Variants in ACER3 observed in about 807,000 individuals in gnomAD.
ACER3 encodes the protein alkaline ceramidase 3, also known as alkCDase 3.
A neutral mutation model predicts 48.9 loss-of-function variants in ACER3; 16 were observed. That is an observed-to-expected ratio of 0.33 (90% CI 0.22 to 0.50). ACER3 has a LOEUF of 0.50. ACER3 is among the 20% of genes least tolerant of loss of function. ACER3 has a pLI of 0.98. For missense variants in ACER3, 227 were observed against 326.0 expected (o/e 0.70, Z 2.34); for synonymous variants, 109 against 107.8 (o/e 1.01, Z -0.07).
In ACER3 at chr11:77,026,387, A is replaced by G. The variant is rs1949550126; in HGVS notation, c.*6060A>G. 6.6e-6 allele frequency: 1 copy of G among 152,166 alleles called. No individual in the cohort carries two copies. Among genetic ancestry groups the G allele is most frequent in the South Asian group, 2.1e-4 (1 of 4,832 alleles). The allele number at this position is 152,166 out of a possible 1,614,324, so 9.4% of individuals were successfully genotyped here. ...AATGAATAAGTGAGTCTGTTCTAAG[A>G]TATAGGGGCCATTATCTATTTTTGC... On this transcript the variant is annotated 3_prime_UTR_variant, in exon 11 of 11. Coordinates refer to ENST00000532485, the MANE Select transcript of ACER3 (RefSeq NM_018367.7).
chr11:76,975,805 G>A (rs1948424638), intron 3 of ACER3, among the ~76,000 whole-genome samples: 1 of 150,444 alleles, frequency 6.6e-6, no homozygotes, highest in Non-Finnish European at 1.5e-5. Flanking sequence ...CATACTCAGA[G>A]TAAATTTGAT....
intron 3 of ACER3, among the ~76,000 whole-genome samples, chr11:76,967,511 T>C (rs1948170314): frequency 1.3e-5 from 2 of 151,930 alleles, no homozygotes; most frequent in South Asian, 4.2e-4. Flanking sequence ...TAGACCAATA[T>C]CCTTGATGAA....
At chr11:76,949,137 C>CCAAGATAT (rs2134971136) in intron 2 of ACER3, among the ~76,000 whole-genome samples, 1 of 152,136 alleles carries the variant, frequency 6.6e-6, no homozygotes, top group African/African-American at 2.4e-5. Flanking sequence ...TGGTAGTTTG[C>CCAAGATAT]CAAGATATCT....
chr11:76,908,211 G>A lies in ACER3; in HGVS notation c.104-18346G>A, dbSNP rs12273793. On this transcript the variant is annotated intron_variant, in intron 1 of 10. Coordinates refer to ENST00000532485, the MANE Select transcript of ACER3 (RefSeq NM_018367.7). The stretch of plus-strand genomic sequence containing the variant: ...AGATCGTGCCACTGCACTCTAGCCT[G>A]GGCGACAGAGCAAGACTCCATCTTG... Among the ~76,000 whole-genome samples, 219 of 152,318 alleles carry A rather than the reference G, an allele frequency of 1.4e-3. 2 individuals are homozygous for A. The highest frequency in any genetic ancestry group is 5.0e-3 in the African/African-American group (208 of 41,574).
At chr11:76,886,108 G>A (rs1333843054) in intron 1 of ACER3, among the ~76,000 whole-genome samples, 1 of 152,224 alleles carries the variant, frequency 6.6e-6, no homozygotes, top group East Asian at 1.9e-4. Flanking sequence ...GACTTCTTTA[G>A]ATAGGGTAGT....
chr11:76,883,992 C>T (rs530377641), intron 1 of ACER3, among the ~76,000 whole-genome samples: 2 of 152,314 alleles, frequency 1.3e-5, no homozygotes, highest in East Asian at 3.9e-4. Context: ...GTTCTAGGAT[C>T]TCTACTGGAT....
chr11:76,971,421 T>C (rs933183641), intron 3 of ACER3, among the ~76,000 whole-genome samples: 1 of 151,824 alleles, frequency 6.6e-6, no homozygotes, highest in African/African-American at 2.4e-5. Flanking sequence ...GCGCCCACAG[T>C]CCCAGCTACT....
At chr11:76,948,250 T>G in intron 2 of ACER3, among the ~76,000 whole-genome samples, 1 of 148,266 alleles carries the variant, frequency 6.7e-6, no homozygotes, top group African/African-American at 2.6e-5. Context: ...TGTGTGTGTG[T>G]GTGTGTGTGT....
intron 1 of ACER3, among the ~76,000 whole-genome samples, chr11:76,897,034 T>G (rs1038377771): frequency 6.6e-6 from 1 of 152,130 alleles, no homozygotes; most frequent in African/African-American, 2.4e-5. Flanking sequence ...CTCAGCTCAC[T>G]GCAACCTCCA....
chr11:76,871,902 A>C (rs987590900), intron 1 of ACER3, among the ~76,000 whole-genome samples: 1 of 152,158 alleles, frequency 6.6e-6, no homozygotes, highest in Non-Finnish European at 1.5e-5. Context: ...GTCACGTTGG[A>C]ATTTGGTATC....
At chr11:76,972,752 C>T (rs1049116171) in intron 3 of ACER3, among the ~76,000 whole-genome samples, 3 of 152,180 alleles carry the variant, frequency 2.0e-5, no homozygotes, top group South Asian at 2.1e-4. Context: ...CTCGAGGCTT[C>T]CTGAAGCAGG....
chr11:76,886,021 A>G (rs1029682690), intron 1 of ACER3, among the ~76,000 whole-genome samples: 1 of 152,232 alleles, frequency 6.6e-6, no homozygotes, highest in Non-Finnish European at 1.5e-5. Context: ...TAAACAATTA[A>G]CCAAGTATAT....
rs1047819297 is a variant in ACER3 at position 76,872,784 on chromosome 11, A to T, written c.103+11705A>T. Among the ~76,000 whole-genome samples, 15 of 152,112 alleles carry T rather than the reference A, an allele frequency of 9.9e-5. No homozygotes were observed. The South Asian group carries it at 2.3e-3, about 23-fold the overall frequency. On this transcript the variant is annotated intron_variant, in intron 1 of 10. Transcript: ENST00000532485. ...TTACAACAATGGGCCTCAGACTTTA[A>T]TGTGTATGTGGATTACCTGAGAATC...
chr11:76,910,615 G>T (rs546941039), intron 1 of ACER3, among the ~76,000 whole-genome samples: 1 of 152,146 alleles, frequency 6.6e-6, no homozygotes, highest in Non-Finnish European at 1.5e-5. Flanking sequence ...TTTCGCCAAA[G>T]AAAATATACC....
At chr11:76,946,539 A>T (rs868049550) in intron 2 of ACER3, among the ~76,000 whole-genome samples, 1 of 152,142 alleles carries the variant, frequency 6.6e-6, no homozygotes, top group Non-Finnish European at 1.5e-5. Context: ...TATGGTGCCT[A>T]GGGTGGGGAC....
At chr11:76,896,102 C>G (rs1359356160) in intron 1 of ACER3, among the ~76,000 whole-genome samples, 1 of 152,122 alleles carries the variant, frequency 6.6e-6, no homozygotes, top group African/African-American at 2.4e-5. Flanking sequence ...TTTGGAACAC[C>G]TAATTTTAAA....
chr11:76,959,704 C>G (rs1239995096), intron 3 of ACER3, among the ~76,000 whole-genome samples: 2 of 152,044 alleles, frequency 1.3e-5, no homozygotes, highest in South Asian at 2.1e-4. Flanking sequence ...AGGCACCCAC[C>G]ACCAAGCCCG....
At chr11:76,993,534 C>G (rs1235522336) in intron 6 of ACER3, among the ~76,000 whole-genome samples, 4 of 152,162 alleles carry the variant, frequency 2.6e-5, no homozygotes, top group Non-Finnish European at 5.9e-5. Context: ...TAAGCTCTGT[C>G]TACTTAGATG....
intron 1 of ACER3, among the ~76,000 whole-genome samples, chr11:76,870,945 T>G (rs552611945): frequency 5.5e-4 from 84 of 152,370 alleles, no homozygotes; most frequent in Middle Eastern, 3.4e-3. Flanking sequence ...GGGTTTAATG[T>G]ACAAAGTTCT....
Sources: allele counts gnomAD v4.1 joint callset (sites outside exome capture counted in the v4.1 genomes callset), GRCh38; gene constraint gnomAD v4.1.1; transcripts MANE v1.5; gene names NCBI Gene and HGNC (gene_info 2026-07-23, HGNC 2026-07-21).